Variants in SPPL2A observed in about 807,000 individuals in gnomAD.
SPPL2A encodes signal peptide peptidase like 2A.
Under a neutral mutation model 63.8 loss-of-function variants are expected in SPPL2A, and 51 were observed. The ratio of observed to expected loss-of-function variants is 0.80; its 90% CI spans 0.64 to 1.01. The LOEUF (loss-of-function observed/expected upper bound fraction) is 1.01, where lower values mean the gene tolerates loss of function less well. Ranked by LOEUF, SPPL2A falls within the 50% of genes least tolerant of loss-of-function variation. The pLI is 0.00. For missense variants in SPPL2A, 553 were observed against 622.7 expected (o/e 0.89, Z 1.19); for synonymous variants, 188 against 205.8 (o/e 0.91, Z 0.74).
chr15:50,744,331 T>G (rs947367353), intron 5 of SPPL2A, among the ~76,000 whole-genome samples: 5 of 152,218 alleles, frequency 3.3e-5, no homozygotes, highest in African/African-American at 1.2e-4. Flanking sequence ...GTTAAACTCT[T>G]AACATTTCCC....
In SPPL2A at chr15:50,738,098, C is replaced by T. The variant is rs138314852; in HGVS notation, c.734-1358G>A. On this transcript the variant is annotated intron_variant, in intron 6 of 14. Coordinates refer to ENST00000261854, the MANE Select transcript of SPPL2A (RefSeq NM_032802.4). ...ACTTGGGAGGCTGAGGCAGGAGAATCGCTTGAATGCGAGAGGCAGAGGTTG... is the reference window on the plus strand; with the variant it reads ...ACTTGGGAGGCTGAGGCAGGAGAATTGCTTGAATGCGAGAGGCAGAGGTTG... Among the ~76,000 whole-genome samples, 23 of 152,204 alleles carry T rather than the reference C, an allele frequency of 1.5e-4. 1 individual carries two copies. The highest frequency in any genetic ancestry group is 5.3e-4 in the African/African-American group (22 of 41,518).
intron 4 of SPPL2A, 180 bp downstream of exon 4, chr15:50,747,933 G>T: frequency 2.2e-6 from 1 of 457,612 alleles, no homozygotes; most frequent in Non-Finnish European, 3.9e-6. Flanking sequence ...CTAAAGTTTA[G>T]GCTTTGAGAC....
At chr15:50,729,855 G>T (rs1254365371) in intron 10 of SPPL2A, among the ~76,000 whole-genome samples, 4 of 152,084 alleles carry the variant, frequency 2.6e-5, no homozygotes, top group Non-Finnish European at 4.4e-5. Context: ...AAGAAATGAG[G>T]CCAAGCACTA....
intron 5 of SPPL2A, among the ~76,000 whole-genome samples, chr15:50,742,351 T>C (rs1015771965): frequency 6.6e-6 from 1 of 151,966 alleles, no homozygotes; most frequent in Admixed American, 6.6e-5. Flanking sequence ...GATCGCGCCA[T>C]TGCACTCCAA....
At chr15:50,754,608 G>A (rs1195016224) in intron 1 of SPPL2A, among the ~76,000 whole-genome samples, 2 of 152,188 alleles carry the variant, frequency 1.3e-5, no homozygotes, top group African/African-American at 2.4e-5. Flanking sequence ...TCTTACTGGG[G>A]AGATTAAAAG....
intron 1 of SPPL2A, 98 bp downstream of exon 1, chr15:50,765,370 G>A (rs1271645168): frequency 2.1e-5 from 19 of 898,778 alleles, no homozygotes; most frequent in Non-Finnish European, 3.0e-5. Context: ...GGTGCGGGCA[G>A]AGGGGAGGCC....
intron 14 of SPPL2A, among the ~76,000 whole-genome samples, chr15:50,718,526 T>A (rs1174076454): frequency 6.6e-6 from 1 of 152,180 alleles, no homozygotes; most frequent in Non-Finnish European, 1.5e-5. Flanking sequence ...GTGAGTGTCA[T>A]CTTCAATAGA....
intron 5 of SPPL2A, among the ~76,000 whole-genome samples, chr15:50,746,169 G>A (rs1362490747): frequency 2.6e-5 from 4 of 151,848 alleles, no homozygotes; most frequent in Admixed American, 1.3e-4. Flanking sequence ...GCCAGGCACA[G>A]TGACTCACAC....
chr15:50,763,625 A>G (rs12905525), intron 1 of SPPL2A, among the ~76,000 whole-genome samples: 61,297 of 152,028 alleles, frequency 0.4, 12,828 homozygotes, highest in East Asian at 0.58. Flanking sequence ...ATCGCCGGGC[A>G]TGGTGGCTCA....
At chr15:50,742,003 GA>G (rs954007627) in intron 5 of SPPL2A, among the ~76,000 whole-genome samples, 52 of 148,942 alleles carry the variant, frequency 3.5e-4, no homozygotes, top group Admixed American at 6.7e-4. Context: ...CATCTTTTTT[GA>G]AAAAAAAAAT....
chr15:50,749,821 T>G (rs2062892683), intron 1 of SPPL2A, 75 bp from the exon 2 acceptor site: 1 of 868,332 alleles, frequency 1.2e-6, no homozygotes, highest in African/African-American at 1.6e-5. Flanking sequence ...ATAAAGCTAT[T>G]TATATGCAGG....
rs747074613 is a variant in SPPL2A, at chr15:50,749,718, G to A, written c.95C>T (p.Ala32Val). The change falls in exon 2 of 15, where the codon GCG becomes GTG. Residue 32 changes from alanine to valine, a missense_variant. Transcript: ENST00000261854. ...GTCCTTGGTTGTGCCATTTCCAGAC[G>A]CATGCAAGATTGCTTCCTGAGCGGC... Reference protein sequence around the residue: ...LTAAQEAILHASGNGTTKDYC... With the variant: ...LTAAQEAILHVSGNGTTKDYC... 5 of 1,612,982 alleles carry A rather than the reference G, an allele frequency of 3.1e-6. No individual in the cohort carries two copies. Among genetic ancestry groups the A allele is most frequent in the Middle Eastern group, 1.6e-4 (1 of 6,082 alleles).
At chr15:50,752,150 AG>A (rs1453481646) in intron 1 of SPPL2A, among the ~76,000 whole-genome samples, 2 of 152,040 alleles carry the variant, frequency 1.3e-5, no homozygotes, top group Non-Finnish European at 2.9e-5. Context: ...TTTTTAAAAG[AG>A]CTTTACTCTC....
rs772504451 is a variant in SPPL2A, at chr15:50,702,447, CACTA to C, written c.*5349_*5352del. ...GTAGTGTTATAAAAGTATTAATTTA[CACTA>C]ACTTACATATCAAAGTGTTAAAAAA... On this transcript the variant is annotated 3_prime_UTR_variant, in exon 15 of 15. Transcript: ENST00000261854. 2 of 152,072 alleles carry C rather than the reference CACTA, an allele frequency of 1.3e-5. No homozygotes were observed. Among genetic ancestry groups the C allele is most frequent in the Admixed American group, 6.6e-5 (1 of 15,262 alleles). The allele number at this position is 152,072 out of a possible 1,614,324, so 9.4% of individuals were successfully genotyped here. A position where few individuals can be genotyped will look rare whatever the true frequency, so the allele number is the denominator to read the frequency against.
Position 50,717,967 on chromosome 15 carries a change from C to CG in SPPL2A, c.1488+1972dup, listed in dbSNP as rs992411135. Among the ~76,000 whole-genome samples the CG allele has an allele frequency of 6.3e-4, 62 of 98,118 alleles. 1 individual carries two copies. The East Asian group carries it at 0.018, about 28-fold the overall frequency. 64.4% of individuals were successfully genotyped at this position (98,118 alleles called of 152,430 possible). On this transcript the variant is annotated intron_variant, in intron 14 of 14. Transcript: ENST00000261854. Reference sequence around the variant, plus strand: ...CTATTCCTCACTAGACTGTAACTTTCGTTTTTTTTTTTTTTTTTTTTTGAG... The same window carrying CG: ...CTATTCCTCACTAGACTGTAACTTTCGGTTTTTTTTTTTTTTTTTTTTTGAG...
intron 12 of SPPL2A, among the ~76,000 whole-genome samples, chr15:50,722,423 T>A (rs751659507): frequency 3.3e-4 from 51 of 152,364 alleles, no homozygotes; most frequent in Non-Finnish European, 6.5e-4. Flanking sequence ...TTAACTATCA[T>A]TTTTATCAGC....
At chr15:50,730,382 C>T (rs533958843) in intron 10 of SPPL2A, among the ~76,000 whole-genome samples, 2 of 152,212 alleles carry the variant, frequency 1.3e-5, no homozygotes, top group African/African-American at 4.8e-5. Flanking sequence ...TTTCTCTTGA[C>T]GCCAGTCCCA....
At position 50,703,999 on chromosome 15, in the gene SPPL2A, TAA is replaced by T. The variant is rs1283908039; in HGVS notation, c.*3799_*3800del. ...ATAGCAGATGGGTTAAAATTCTCTT[TAA>T]AAGAGAAATAAATTGCAGATTCTAC... On this transcript the variant is annotated 3_prime_UTR_variant, in exon 15 of 15. Transcript: ENST00000261854. 5 of 152,082 alleles carry T rather than the reference TAA, an allele frequency of 3.3e-5. No homozygotes were observed. The East Asian group carries it at 9.7e-4, about 29-fold the overall frequency. The allele number at this position is 152,082 out of a possible 1,614,324, so 9.4% of individuals were successfully genotyped here. A position where few individuals can be genotyped will look rare whatever the true frequency, so the allele number is the denominator to read the frequency against.
At chr15:50,707,931 CACT>C (rs2062524233) in intron 14 of SPPL2A, 57 bp from the exon 15 acceptor site, 4 of 860,558 alleles carry the variant, frequency 4.6e-6, no homozygotes, top group Admixed American at 3.6e-5. Context: ...CCCCAATATT[CACT>C]ACATTAGCAA....
Sources: allele counts gnomAD v4.1 joint callset (sites outside exome capture counted in the v4.1 genomes callset), GRCh38; gene constraint gnomAD v4.1.1; transcripts MANE v1.5; gene names NCBI Gene and HGNC (gene_info 2026-07-23, HGNC 2026-07-21).